Variants in AK8 observed in about 807,000 individuals in gnomAD.
AK8 encodes the protein adenylate kinase 8.
Under a neutral mutation model 54.6 loss-of-function variants are expected in AK8, and 44 were observed. That is an observed-to-expected ratio of 0.81 (90% CI 0.63 to 1.04). The LOEUF (loss-of-function observed/expected upper bound fraction) is 1.04. Ranked by LOEUF, AK8 falls within the 50% of genes least tolerant of loss-of-function variation. The pLI, the probability that AK8 is intolerant of heterozygous loss-of-function variation, is 0.00. For missense variants in AK8, 555 were observed against 613.6 expected, an observed-to-expected ratio of 0.90 and a Z score of 1.01; for synonymous variants, 239 against 245.6, an observed-to-expected ratio of 0.97 and a Z score of 0.25.
At position 132,837,288 on chromosome 9, in the gene AK8, C is replaced by T. The variant is rs1371013741; in HGVS notation, c.403-8562G>A. On this transcript the variant is annotated intron_variant, in intron 5 of 12. Coordinates refer to ENST00000298545, the MANE Select transcript of AK8 (RefSeq NM_152572.3). This position sits in a 1 kb window ranked among gnomAD's most constrained non-coding sequence, Gnocchi z 4.3. The stretch of plus-strand genomic sequence containing the variant: ...GAGCTGAGATTGCGCCACTGCACTC[C>T]AGCCTGGGTGACAGAGCAAGACTCC... Among the ~76,000 whole-genome samples the T allele has an allele frequency of 1.3e-5, 2 of 148,258 alleles. No individual in the cohort carries two copies. The highest frequency in any genetic ancestry group is 2.1e-4 in the South Asian group (1 of 4,678).
At chr9:132,779,386 A>G (rs1016707083) in intron 11 of AK8, among the ~76,000 whole-genome samples, 5 of 152,338 alleles carry the variant, frequency 3.3e-5, no homozygotes, top group African/African-American at 1.2e-4. Flanking sequence ...CAGGGGCACG[A>G]TCATAGCTCA....
intron 10 of AK8, among the ~76,000 whole-genome samples, chr9:132,795,613 A>C (rs1462535000): frequency 6.6e-6 from 1 of 152,234 alleles, no homozygotes; most frequent in Non-Finnish European, 1.5e-5. Flanking sequence ...CGATTCACCC[A>C]GTGGGTAGTT....
At chr9:132,856,786 C>T (rs1410976482) in intron 4 of AK8, among the ~76,000 whole-genome samples, 1 of 151,958 alleles carries the variant, frequency 6.6e-6, no homozygotes, top group Non-Finnish European at 1.5e-5. Context: ...GGGTGTGGAA[C>T]GGAATGAAAC....
intron 5 of AK8, among the ~76,000 whole-genome samples, chr9:132,840,687 G>A (rs1842508740): frequency 1.3e-5 from 2 of 152,218 alleles, no homozygotes; most frequent in Non-Finnish European, 2.9e-5. Context: ...GAAGTCAGGA[G>A]ATCGAGACCA....
intron 5 of AK8, among the ~76,000 whole-genome samples, chr9:132,853,783 CAAAAA>C (rs71376669): frequency 9.4e-5 from 4 of 42,598 alleles, no homozygotes; most frequent in South Asian, 2.5e-3. Flanking sequence ...GACTCTGCCT[CAAAAA>C]AAAAAAAAAA....
intron 10 of AK8, among the ~76,000 whole-genome samples, chr9:132,798,981 G>A (rs1431972579): frequency 2.0e-5 from 3 of 152,326 alleles, no homozygotes; most frequent in Non-Finnish European, 4.4e-5. Context: ...CCGGACAGGA[G>A]TCCCGACACC....
At chr9:132,859,059 G>A (rs1166894514) in intron 4 of AK8, among the ~76,000 whole-genome samples, 4 of 152,190 alleles carry the variant, frequency 2.6e-5, no homozygotes, top group African/African-American at 7.2e-5. Context: ...GAGAGACTGA[G>A]GGCATTCCCA....
At chr9:132,850,341 C>T (rs1187194060) in intron 5 of AK8, among the ~76,000 whole-genome samples, 1 of 150,798 alleles carries the variant, frequency 6.6e-6, no homozygotes, top group African/African-American at 2.4e-5. Context: ...AGCCTCCTGC[C>T]TCAGCCTCCC....
At chr9:132,796,770 T>TACACACACACACACAC (rs10590924) in intron 10 of AK8, among the ~76,000 whole-genome samples, 1 of 142,308 alleles carries the variant, frequency 7.0e-6, no homozygotes, top group Admixed American at 7.0e-5. Context: ...ACATACATGC[T>TACACACACACACACAC]ACACACACAC....
chr9:132,824,462 C>T (rs928621043), intron 8 of AK8, among the ~76,000 whole-genome samples: 3 of 152,180 alleles, frequency 2.0e-5, no homozygotes, highest in African/African-American at 7.2e-5. Context: ...AACATGCCAC[C>T]CAGGAACCAG....
At chr9:132,747,956 G>A (rs1013954313) in intron 11 of AK8, among the ~76,000 whole-genome samples, 7 of 151,048 alleles carry the variant, frequency 4.6e-5, no homozygotes, top group Admixed American at 2.0e-4. Context: ...AAAATTAGCC[G>A]AGCATGGTGA....
intron 2 of AK8, among the ~76,000 whole-genome samples, chr9:132,870,660 G>A (rs902910426): frequency 3.9e-5 from 6 of 152,268 alleles, no homozygotes; most frequent in African/African-American, 7.2e-5. Context: ...GCTCCCTCGT[G>A]TGCTCGCTCA....
chr9:132,864,110 A>T (rs1182751526), intron 3 of AK8, among the ~76,000 whole-genome samples: 1 of 152,092 alleles, frequency 6.6e-6, no homozygotes, highest in Admixed American at 6.5e-5. Context: ...TCAGAACAGG[A>T]ACTTTGAGGA....
chr9:132,830,487 A>C (rs1842062014), intron 5 of AK8, among the ~76,000 whole-genome samples: 1 of 152,190 alleles, frequency 6.6e-6, no homozygotes, highest in Non-Finnish European at 1.5e-5. Flanking sequence ...CTGCTGCTTT[A>C]ATTTACATTT....
At chr9:132,848,343 AT>A (rs955185093) in intron 5 of AK8, among the ~76,000 whole-genome samples, 78 of 152,174 alleles carry the variant, frequency 5.1e-4, no homozygotes, top group African/African-American at 1.9e-3. Flanking sequence ...CTGCCAAAAG[AT>A]TGTTTGGCAC....
At chr9:132,839,147 T>C (rs771839733) in intron 5 of AK8, among the ~76,000 whole-genome samples, 1 of 152,178 alleles carries the variant, frequency 6.6e-6, no homozygotes, top group Non-Finnish European at 1.5e-5. Context: ...TTTCACCATG[T>C]TGGCCAGGCT....
chr9:132,846,163 A>G (rs1842741057), intron 5 of AK8, among the ~76,000 whole-genome samples: 1 of 152,168 alleles, frequency 6.6e-6, no homozygotes, highest in South Asian at 2.1e-4. Context: ...AATTACTTAC[A>G]CGAAATAGTA....
At chr9:132,794,592 G>C (rs767883763) in intron 10 of AK8, among the ~76,000 whole-genome samples, 1 of 152,174 alleles carries the variant, frequency 6.6e-6, no homozygotes, top group Middle Eastern at 3.4e-3. Flanking sequence ...TAATGTCTGC[G>C]TCTCTTTCAT....
At chr9:132,846,368 C>T (rs892845659) in intron 5 of AK8, among the ~76,000 whole-genome samples, 9 of 152,194 alleles carry the variant, frequency 5.9e-5, no homozygotes, top group Non-Finnish European at 1.3e-4. Context: ...GACGTGACTC[C>T]TTTGCTTATT....
Sources: allele counts gnomAD v4.1 joint callset (sites outside exome capture counted in the v4.1 genomes callset), GRCh38; gene constraint gnomAD v4.1.1; non-coding constraint Gnocchi (gnomAD v3.1); transcripts MANE v1.5; gene names NCBI Gene and HGNC (gene_info 2026-07-23, HGNC 2026-07-21).